Variants in SAMD5 observed in about 807,000 individuals in gnomAD.
SAMD5 encodes sterile alpha motif domain-containing protein 5.
Under a neutral mutation model 11.3 loss-of-function variants are expected in SAMD5, and 13 were observed. That is an observed-to-expected ratio of 1.15 (90% CI 0.75 to 1.83). SAMD5 has a LOEUF of 1.83. Among genes scored for constraint, SAMD5 ranks in the 40% most tolerant of loss-of-function variants. The pLI is 0.00. For missense variants in SAMD5, 255 were observed against 239.1 expected, an observed-to-expected ratio of 1.07 and a Z score of -0.44; for synonymous variants, 129 against 111.3, an observed-to-expected ratio of 1.16 and a Z score of -1.00.
the SAMD5 span, among the ~76,000 whole-genome samples, chr6:147,748,300 AG>A: frequency 6.6e-6 from 1 of 152,202 alleles, no homozygotes; most frequent in Non-Finnish European, 1.5e-5. Flanking sequence ...TCAGGAGCAC[AG>A]GTCATTTGGA....
chr6:147,722,073 A>G (rs1791560124), intron 1 of SAMD5, among the ~76,000 whole-genome samples: 2 of 152,364 alleles, frequency 1.3e-5, no homozygotes, highest in African/African-American at 4.8e-5. Flanking sequence ...TTATGCCAAT[A>G]TGCCTATTTT....
chr6:147,520,154 G>C (rs1284762154), intron 1 of SAMD5, among the ~76,000 whole-genome samples: 1 of 135,836 alleles, frequency 7.4e-6, no homozygotes, highest in African/African-American at 2.9e-5. Context: ...GTCTCGCTCT[G>C]TTGCCCAGGC....
At chr6:147,909,622 T>TTCTCTCTCTCTCTCTC in the SAMD5 span, among the ~76,000 whole-genome samples, 1 of 69,766 alleles carries the variant, frequency 1.4e-5, no homozygotes, top group East Asian at 4.4e-4. Flanking sequence ...CTTTCTTTCT[T>TTCTCTCTCTCTCTCTC]TCTTTCTTTC....
intron 1 of SAMD5, among the ~76,000 whole-genome samples, chr6:147,558,008 C>T (rs1788885114): frequency 6.6e-6 from 1 of 152,168 alleles, no homozygotes. Context: ...GGGAGGTAGG[C>T]ACAGAGGGAG....
chr6:147,637,861 T>G (rs58787032), intron 1 of SAMD5, among the ~76,000 whole-genome samples: 1,984 of 50,142 alleles, frequency 0.04, 58 homozygotes, highest in Admixed American at 0.16. Flanking sequence ...GCAAGTTCGG[T>G]TTTTTTTTTT....
chr6:147,616,555 A>G (rs1289131051), intron 1 of SAMD5, among the ~76,000 whole-genome samples: 1 of 152,076 alleles, frequency 6.6e-6, no homozygotes. Flanking sequence ...TAGTAAACAG[A>G]GAGGGAGTGA....
chr6:147,642,996 C>G (rs1790336585), intron 1 of SAMD5, among the ~76,000 whole-genome samples: 1 of 152,168 alleles, frequency 6.6e-6, no homozygotes, highest in Non-Finnish European at 1.5e-5. Context: ...GTTACTTCCC[C>G]AGATCCAAGA....
chr6:147,544,377 C>T (rs1029457264), intron 1 of SAMD5, among the ~76,000 whole-genome samples: 3 of 152,010 alleles, frequency 2.0e-5, no homozygotes, highest in Non-Finnish European at 2.9e-5. Context: ...TCTAGAGTAT[C>T]CCTCATCAGA....
At chr6:147,575,297 C>A (rs1468837177) in intron 1 of SAMD5, among the ~76,000 whole-genome samples, 2 of 152,222 alleles carry the variant, frequency 1.3e-5, no homozygotes, top group African/African-American at 2.4e-5. Flanking sequence ...TCATCCAAAC[C>A]TTTCTATGCA....
the SAMD5 span, chr6:147,953,359 A>G: frequency 2.6e-5 from 4 of 152,092 alleles, no homozygotes; most frequent in African/African-American, 9.7e-5. Context: ...TCTGTCAGGA[A>G]AAATAAATGG....
rs79075126 is a variant in SAMD5, at chr6:147,672,524, C to A, written c.163-64793C>A. On this transcript the variant is annotated intron_variant, in intron 1 of 1. Coordinates refer to the SAMD5 transcript ENST00000566741. ...TGTACTCTATTCTTTTGAGAAACTG[C>A]GTATTCTTTGTATGGATAATCATGG... 2.0e-5 allele frequency among the ~76,000 whole-genome samples: 3 copies of A among 152,136 alleles called. No individual in the cohort carries two copies. In the South Asian group the frequency reaches 6.2e-4, roughly 32 times the overall value.
the SAMD5 span, among the ~76,000 whole-genome samples, chr6:147,896,764 C>T: frequency 1.0e-4 from 7 of 69,374 alleles, no homozygotes; most frequent in African/African-American, 1.4e-4. Context: ...AAAAAAAAAA[C>T]GCATCACCAG....
chr6:147,745,606 C>T, the SAMD5 span, among the ~76,000 whole-genome samples: 1 of 152,068 alleles, frequency 6.6e-6, no homozygotes, highest in East Asian at 1.9e-4. Context: ...AGTGGGTAAA[C>T]CAGGAGAGTG....
rs547643983 is a variant in SAMD5 at position 147,601,356 on chromosome 6, G to A, written c.162+91969G>A. ...TAAATCAGATTTTTTTTTTTTGCTGGACTATAGGCAACTATTTCATTCAGA... is the reference window on the plus strand; with the variant it reads ...TAAATCAGATTTTTTTTTTTTGCTGAACTATAGGCAACTATTTCATTCAGA... On this transcript the variant is annotated intron_variant, in intron 1 of 1. Coordinates refer to the SAMD5 transcript ENST00000566741. Among the ~76,000 whole-genome samples the A allele has an allele frequency of 2.0e-5, 3 of 150,636 alleles. 1 individual carries two copies. Among genetic ancestry groups the A allele is most frequent in the African/African-American group, 7.3e-5 (3 of 40,948 alleles).
chr6:147,896,319 A>G, the SAMD5 span, among the ~76,000 whole-genome samples: 2 of 152,132 alleles, frequency 1.3e-5, no homozygotes, highest in African/African-American at 4.8e-5. Context: ...AGACGTTCAG[A>G]ATAACAACTA....
chr6:147,768,951 G>A, the SAMD5 span, among the ~76,000 whole-genome samples: 1 of 152,116 alleles, frequency 6.6e-6, no homozygotes, highest in Non-Finnish European at 1.5e-5. Flanking sequence ...GTGCCACCAT[G>A]CCCAGCTAAT....
intron 1 of SAMD5, among the ~76,000 whole-genome samples, chr6:147,702,182 A>T (rs1376457039): frequency 6.6e-6 from 1 of 152,172 alleles, no homozygotes; most frequent in East Asian, 1.9e-4. Context: ...AAACCATTAG[A>T]TCTTGTGAGA....
At chr6:147,641,259 C>A (rs1463338688) in intron 1 of SAMD5, among the ~76,000 whole-genome samples, 6 of 152,166 alleles carry the variant, frequency 3.9e-5, no homozygotes, top group African/African-American at 1.4e-4. Flanking sequence ...CCAAGAATTT[C>A]TTTTCTCACA....
At chr6:147,599,301 T>G (rs2128447952) in intron 1 of SAMD5, among the ~76,000 whole-genome samples, 1 of 152,294 alleles carries the variant, frequency 6.6e-6, no homozygotes, top group South Asian at 2.1e-4. Context: ...GGCTAAGAGC[T>G]TTGTATTTTC....
Sources: allele counts gnomAD v4.1 joint callset (sites outside exome capture counted in the v4.1 genomes callset), GRCh38; gene constraint gnomAD v4.1.1; transcripts MANE v1.5; gene names NCBI Gene and HGNC (gene_info 2026-07-23, HGNC 2026-07-21).